WNT2B: variants seen among roughly 807,000 people sequenced by gnomAD.
The protein encoded by WNT2B is Wnt family member 2B, also known as protein Wnt-2b.
Under a neutral mutation model 40.5 loss-of-function variants are expected in WNT2B, and 19 were observed. The ratio of observed to expected loss-of-function variants is 0.47; its 90% CI spans 0.33 to 0.69. The LOEUF (loss-of-function observed/expected upper bound fraction) is 0.69. WNT2B is among the 30% of genes least tolerant of loss of function. WNT2B has a pLI of 0.02. For synonymous variants in WNT2B, 220 were observed against 211.9 expected (o/e 1.04, Z -0.33); for missense variants, 467 against 556.4 (o/e 0.84, Z 1.62).
rs879218335 is a variant in WNT2B, at chr1:112,516,285, T to C, written c.549T>C (p.Phe183=). The C allele has an allele frequency of 6.2e-7, 1 of 1,613,970 alleles. No homozygotes were observed. Among genetic ancestry groups the C allele is most frequent in the South Asian group, 1.1e-5 (1 of 91,070 alleles). The change falls in exon 3 of 5, where the codon TTT becomes TTC. Residue 183 remains phenylalanine, a synonymous_variant. Transcript: ENST00000369684. ...RGRHHDQRGD[F]DWGGCSDNIH... is the part of the protein sequence containing the mutation. ...GACACCATGACCAGCGTGGGGACTT[T>C]GACTGGGGTGGCTGCAGTGACAACA...
intron 1 of WNT2B, among the ~76,000 whole-genome samples, chr1:112,487,704 G>A (rs962168211): frequency 3.3e-5 from 5 of 151,854 alleles, no homozygotes; most frequent in Admixed American, 6.6e-5. Context: ...AGGCTGAAGC[G>A]GGTGGATTGC....
In WNT2B at chr1:112,526,760, T is replaced by C. The variant is rs1186265485; in HGVS notation, c.*6251T>C. 1.4e-5 allele frequency: 2 copies of C among 146,522 alleles called. No individual in the cohort carries two copies. Among genetic ancestry groups the C allele is most frequent in the Non-Finnish European group, 1.5e-5 (1 of 66,786 alleles). 9.1% of individuals were successfully genotyped at this position (146,522 alleles called of 1,614,324 possible). A position where few individuals can be genotyped will look rare whatever the true frequency, so the allele number is the denominator to read the frequency against. On this transcript the variant is annotated 3_prime_UTR_variant, in exon 5 of 5. Coordinates refer to ENST00000369684, the MANE Select transcript of WNT2B (RefSeq NM_024494.3). ...GTCACAAAAAAAAAAAAAAAGAAGG[T>C]ATGTATTAGAATTTTCTTTGAGATT...
At chr1:112,493,605 G>A (rs761165569) in intron 1 of WNT2B, among the ~76,000 whole-genome samples, 1 of 151,910 alleles carries the variant, frequency 6.6e-6, no homozygotes, top group Non-Finnish European at 1.5e-5. Context: ...CTGGGCAACG[G>A]AGCAAGACCC....
At chr1:112,508,857 G>A, upstream of WNT2B, 1 of 1,005,620 alleles carries the variant, frequency 9.9e-7, no homozygotes, top group Non-Finnish European at 1.2e-6. The surrounding 1 kb of genome is among the most constrained non-coding windows in gnomAD (Gnocchi z 4.2). Flanking sequence ...GCGTCGCGGA[G>A]CGCCCCGGGC....
In WNT2B at chr1:112,523,078, G is replaced by A. The variant is rs1652966478; in HGVS notation, c.*2569G>A. ...TCCTGGCCAGCCCCTGTTCTCACAA[G>A]AACATGCAGGTTACCACATAAATAA... is the stretch of plus-strand genomic sequence containing the variant. On this transcript the variant is annotated 3_prime_UTR_variant, in exon 5 of 5. Transcript: ENST00000369684. The A allele has an allele frequency of 6.6e-6, 1 of 152,220 alleles. No homozygotes were observed. 9.4% of individuals were successfully genotyped at this position (152,220 alleles called of 1,614,324 possible).
At chr1:112,492,137 T>G (rs1209747327) in intron 1 of WNT2B, among the ~76,000 whole-genome samples, 1 of 152,160 alleles carries the variant, frequency 6.6e-6, no homozygotes, top group Non-Finnish European at 1.5e-5. Context: ...AAGAAACTAT[T>G]ATAAATCAAT....
upstream of WNT2B, among the ~76,000 whole-genome samples, chr1:112,504,160 G>A (rs1652040905): frequency 2.0e-5 from 3 of 152,158 alleles, no homozygotes; most frequent in Non-Finnish European, 4.4e-5. Context: ...ACAGAACCTG[G>A]GCCACCCGCC....
chr1:112,515,199 T>C lies in WNT2B; in HGVS notation c.403+105T>C. On this transcript the variant is annotated intron_variant, in intron 2 of 4. Transcript: ENST00000369684. This position sits in a 1 kb window ranked among gnomAD's most constrained non-coding sequence, Gnocchi z 4.4. The stretch of plus-strand genomic sequence containing the variant: ...CCCCTCTCCTCTCCCACACACTGTT[T>C]CATCATCAGAGAAAGAACTGTGGGC... The C allele has an allele frequency of 2.3e-6, 3 of 1,309,934 alleles. No homozygotes were observed. The highest frequency in any genetic ancestry group is 3.2e-6 in the Non-Finnish European group (3 of 944,578). 81.1% of individuals were successfully genotyped at this position (1,309,934 alleles called of 1,614,324 possible).
chr1:112,520,728 T>C lies in WNT2B; in HGVS notation c.*219T>C. On this transcript the variant is annotated 3_prime_UTR_variant, in exon 5 of 5. Transcript: ENST00000369684. ...TAAGAAACTGAGCAAGCTCCCTGAT[T>C]TCCCGCTCTGGAGATTTGAAGGGAG... 1 of 590,556 alleles carries C rather than the reference T, an allele frequency of 1.7e-6. No individual in the cohort carries two copies. Among genetic ancestry groups the C allele is most frequent in the Non-Finnish European group, 3.0e-6 (1 of 334,056 alleles). 36.6% of individuals were successfully genotyped at this position (590,556 alleles called of 1,614,324 possible).
chr1:112,493,727 T>A (rs973511906), intron 1 of WNT2B, among the ~76,000 whole-genome samples: 2 of 151,986 alleles, frequency 1.3e-5, no homozygotes, highest in African/African-American at 4.8e-5. Context: ...ATAACATGTA[T>A]AATGAGAATA....
chr1:112,489,938 T>C (rs1651546012), intron 1 of WNT2B, among the ~76,000 whole-genome samples: 1 of 152,186 alleles, frequency 6.6e-6, no homozygotes, highest in Non-Finnish European at 1.5e-5. Flanking sequence ...AGGATTTTTT[T>C]CTTACTGCTG....
chr1:112,486,197 C>T (rs959725215), intron 1 of WNT2B, among the ~76,000 whole-genome samples: 1 of 149,242 alleles, frequency 6.7e-6, no homozygotes, highest in African/African-American at 2.5e-5. Context: ...AATCCTAGCA[C>T]TTTGGGAGGC....
chr1:112,482,909 T>C (rs1651273698), intron 1 of WNT2B, among the ~76,000 whole-genome samples: 2 of 152,164 alleles, frequency 1.3e-5, no homozygotes, highest in African/African-American at 4.8e-5. Flanking sequence ...AAAATCCCAA[T>C]GGTATTCTTT....
intron 1 of WNT2B, among the ~76,000 whole-genome samples, chr1:112,496,033 C>A (rs1373521975): frequency 6.6e-6 from 1 of 152,196 alleles, no homozygotes; most frequent in Non-Finnish European, 1.5e-5. Flanking sequence ...TTAATTACTT[C>A]CCGAAGACCC....
At chr1:112,502,545 A>G (rs927710267) in intron 1 of WNT2B, among the ~76,000 whole-genome samples, 2 of 152,210 alleles carry the variant, frequency 1.3e-5, no homozygotes, top group African/African-American at 4.8e-5. Flanking sequence ...GAAACCTCAG[A>G]GAAGGGCTGG....
At chr1:112,507,782 C>T (rs1351980857), upstream of WNT2B, among the ~76,000 whole-genome samples, 3 of 152,232 alleles carry the variant, frequency 2.0e-5, no homozygotes, top group African/African-American at 7.2e-5. Flanking sequence ...GGAAAGACAC[C>T]TGCGAGGTGG....
chr1:112,475,971 C>A (rs1651044329), intron 1 of WNT2B, among the ~76,000 whole-genome samples: 1 of 151,986 alleles, frequency 6.6e-6, no homozygotes, highest in Non-Finnish European at 1.5e-5. Flanking sequence ...TATTGACTAC[C>A]CCACCCAAAT....
chr1:112,479,954 T>C (rs7554976), intron 1 of WNT2B, among the ~76,000 whole-genome samples: 45,950 of 151,752 alleles, frequency 0.3, 7,946 homozygotes, highest in African/African-American at 0.47. Flanking sequence ...CCTCGTGATC[T>C]GCCTGCCTCA....
rs181038429 is a variant in WNT2B, at chr1:112,518,076, A to G, written c.946+691A>G. The G allele has an allele frequency of 2.0e-5, 3 of 152,404 alleles. No homozygotes were observed. In the East Asian group the frequency reaches 5.8e-4, roughly 29 times the overall value. The allele number at this position is 152,404 out of a possible 1,614,324, so 9.4% of individuals were successfully genotyped here. ...GTGCTGCCATTGAAGATTCTGAAAC[A>G]GCTGAAAAAGAAACGAAGAAGAGAT... On this transcript the variant is annotated intron_variant, in intron 4 of 4. Transcript: ENST00000369684.
Sources: gnomAD v4.1 joint callset for allele counts (sites outside exome capture counted in the v4.1 genomes callset) on GRCh38, gnomAD v4.1.1 for gene constraint, Gnocchi (gnomAD v3.1) non-coding constraint, MANE v1.5 for transcripts, NCBI Gene and HGNC (gene_info 2026-07-23, HGNC 2026-07-21) for gene names.